Variants in KSR2 observed in about 807,000 individuals in gnomAD.
The protein encoded by KSR2 is kinase suppressor of ras 2.
Under a neutral mutation model 107.8 loss-of-function variants are expected in KSR2, and 25 were observed. That is an observed-to-expected ratio of 0.23 (90% CI 0.17 to 0.32). The LOEUF (loss-of-function observed/expected upper bound fraction) is 0.32, where lower values mean the gene tolerates loss of function less well. Among genes scored for constraint, KSR2 ranks in the 10% least tolerant of loss-of-function variants. KSR2 has a pLI of 1.00. For missense variants in KSR2, 887 were observed against 1,268.9 expected (o/e 0.70, Z 4.57); for synonymous variants, 480 against 507.0 (o/e 0.95, Z 0.71).
At chr12:117,654,257 AC>A (rs1314016742) in intron 5 of KSR2, among the ~76,000 whole-genome samples, 1 of 152,148 alleles carries the variant, frequency 6.6e-6, no homozygotes, top group African/African-American at 2.4e-5. Flanking sequence ...AGTGGCATAT[AC>A]GGGATTGGGC....
At chr12:117,646,676 G>C (rs192355825) in intron 5 of KSR2, among the ~76,000 whole-genome samples, 37 of 152,270 alleles carry the variant, frequency 2.4e-4, no homozygotes, top group Admixed American at 2.2e-3. Context: ...AGTTTCTTCT[G>C]AAGGGGCGCA....
At chr12:117,798,644 G>A (rs1406178258) in intron 3 of KSR2, among the ~76,000 whole-genome samples, 2 of 145,792 alleles carry the variant, frequency 1.4e-5, no homozygotes, top group African/African-American at 2.5e-5. Flanking sequence ...AAAACAAAAC[G>A]AAACAAAACA....
intron 13 of KSR2, 75 bp downstream of exon 13, chr12:117,526,996 C>A: frequency 7.8e-7 from 1 of 1,289,250 alleles, no homozygotes; most frequent in South Asian, 1.2e-5. Flanking sequence ...TCTGCGTCAT[C>A]CAAAACGTCA....
intron 4 of KSR2, among the ~76,000 whole-genome samples, chr12:117,735,177 G>C (rs1021021912): frequency 6.6e-6 from 1 of 152,164 alleles, no homozygotes; most frequent in East Asian, 1.9e-4. Context: ...GCCCTGCAAG[G>C]AATTGTTCTG....
rs573942225 is a variant in KSR2 at position 117,921,890 on chromosome 12, C to T, written c.180+46186G>A. On this transcript the variant is annotated intron_variant, in intron 1 of 19. Coordinates refer to ENST00000339824, the MANE Select transcript of KSR2 (RefSeq NM_173598.6). Reference sequence around the variant, plus strand: ...TTTGACAAAAATAAAAAGAAGTAATCGGTAAATAGTAGATGCTCTTCTTAC... The same window carrying T: ...TTTGACAAAAATAAAAAGAAGTAATTGGTAAATAGTAGATGCTCTTCTTAC... Among the ~76,000 whole-genome samples, 9 of 152,180 alleles carry T rather than the reference C, an allele frequency of 5.9e-5. No individual in the cohort carries two copies. The South Asian group carries it at 1.0e-3, about 18-fold the overall frequency.
intron 3 of KSR2, among the ~76,000 whole-genome samples, chr12:117,845,196 G>A (rs1232644737): frequency 2.6e-5 from 4 of 152,268 alleles, no homozygotes; most frequent in Non-Finnish European, 2.9e-5. Flanking sequence ...ATCAGACAGC[G>A]AGCCCCTTTT....
intron 16 of KSR2, among the ~76,000 whole-genome samples, chr12:117,480,393 G>A (rs988592794): frequency 3.9e-5 from 6 of 152,104 alleles, no homozygotes; most frequent in African/African-American, 7.2e-5. Flanking sequence ...TTCCCATGGC[G>A]ATGGGCCCAC....
intron 9 of KSR2, among the ~76,000 whole-genome samples, chr12:117,548,509 A>C (rs1019670083): frequency 1.3e-5 from 2 of 152,194 alleles, no homozygotes; most frequent in Non-Finnish European, 2.9e-5. Flanking sequence ...GACATAGAAC[A>C]TACAAAATAC....
intron 4 of KSR2, among the ~76,000 whole-genome samples, chr12:117,686,294 G>T (rs1885573301): frequency 7.2e-6 from 1 of 139,788 alleles, no homozygotes; most frequent in Admixed American, 7.6e-5. Context: ...TTGAACTCCT[G>T]GGCTAAAGTG....
intron 3 of KSR2, among the ~76,000 whole-genome samples, chr12:117,825,602 C>T (rs1316445174): frequency 6.6e-6 from 1 of 152,140 alleles, no homozygotes; most frequent in Non-Finnish European, 1.5e-5. Flanking sequence ...GCTAACATGG[C>T]TCCCTCACTA....
intron 14 of KSR2, among the ~76,000 whole-genome samples, chr12:117,490,682 C>T (rs1012048691): frequency 3.9e-5 from 6 of 152,102 alleles, no homozygotes; most frequent in African/African-American, 9.7e-5. Flanking sequence ...AGACATGAGC[C>T]GCTGCACCCA....
intron 5 of KSR2, among the ~76,000 whole-genome samples, chr12:117,608,563 G>A (rs1037191850): frequency 3.3e-5 from 5 of 152,152 alleles, no homozygotes; most frequent in Admixed American, 6.5e-5. Flanking sequence ...CTGAGGCACA[G>A]TGCCTGGGGC....
In KSR2 at chr12:117,463,099, T is replaced by A. The variant is rs755316079; in HGVS notation, c.*4100A>T. ...CTCAGTGTGTGACATTTTGTTATTA[T>A]GGCCCCCCTTAGCAAACGAAGAGTT... On this transcript the variant is annotated 3_prime_UTR_variant, in exon 20 of 20. Coordinates refer to ENST00000339824, the MANE Select transcript of KSR2 (RefSeq NM_173598.6). The A allele has an allele frequency of 6.6e-6, 1 of 152,262 alleles. No homozygotes were observed. Among genetic ancestry groups the A allele is most frequent in the African/African-American group, 2.4e-5 (1 of 41,462 alleles). 9.4% of individuals were successfully genotyped at this position (152,262 alleles called of 1,614,324 possible).
At chr12:117,578,265 T>A (rs1359950092) in intron 7 of KSR2, among the ~76,000 whole-genome samples, 1 of 151,886 alleles carries the variant, frequency 6.6e-6, no homozygotes, top group Admixed American at 6.6e-5. Context: ...CAAGGCTGGT[T>A]TAAAAAGGTA....
rs117568945 is a variant in KSR2, at chr12:117,684,941, T to G, written c.987-17283A>C. ...TGTTCCCATTTTACAGAGGTACCTG[T>G]GCAAACAGGTTGTCAATTTCAGGGT... On this transcript the variant is annotated intron_variant, in intron 4 of 19. Coordinates refer to ENST00000339824, the MANE Select transcript of KSR2 (RefSeq NM_173598.6). Among the ~76,000 whole-genome samples the G allele has an allele frequency of 8.7e-4, 132 of 152,312 alleles. 2 individuals carry two copies. The East Asian group carries it at 0.02, about 23-fold the overall frequency.
intron 1 of KSR2, among the ~76,000 whole-genome samples, chr12:117,924,588 A>G (rs1187074553): frequency 6.6e-6 from 1 of 150,406 alleles, no homozygotes; most frequent in Non-Finnish European, 1.5e-5. Context: ...AAAAAAAAAA[A>G]AAAAAAAAGA....
At chr12:117,631,729 G>A (rs927548606) in intron 5 of KSR2, among the ~76,000 whole-genome samples, 2 of 152,152 alleles carry the variant, frequency 1.3e-5, no homozygotes, top group South Asian at 2.1e-4. Context: ...AGGAAGAATC[G>A]AGTGACTTGA....
At chr12:117,735,267 T>C (rs982260826) in intron 4 of KSR2, among the ~76,000 whole-genome samples, 2 of 152,230 alleles carry the variant, frequency 1.3e-5, no homozygotes, top group Non-Finnish European at 2.9e-5. Context: ...CAGAGCCTTC[T>C]CTTTCTGTTT....
chr12:117,701,409 T>C (rs2136617972), intron 4 of KSR2, among the ~76,000 whole-genome samples: 1 of 152,236 alleles, frequency 6.6e-6, no homozygotes. Flanking sequence ...CTTTATAAAA[T>C]CATAAATCTG....
Sources: allele counts gnomAD v4.1 joint callset (sites outside exome capture counted in the v4.1 genomes callset), GRCh38; gene constraint gnomAD v4.1.1; transcripts MANE v1.5; gene names NCBI Gene and HGNC (gene_info 2026-07-23, HGNC 2026-07-21).